Variants in TRMT11 observed in about 807,000 individuals in gnomAD.
TRMT11 encodes tRNA (guanine(10)-N(2))-methyltransferase TRMT11.
A neutral mutation model predicts 62.8 loss-of-function variants in TRMT11; 53 were observed. That is an observed-to-expected ratio of 0.84 (90% confidence interval 0.68 to 1.06). The LOEUF is 1.06. Ranked by LOEUF, TRMT11 falls within the 50% of genes least tolerant of loss-of-function variation. The probability of loss-of-function intolerance (pLI) is 0.00; values close to 1 mark genes in which losing one functional copy is unlikely to be tolerated. For synonymous variants in TRMT11, 188 were observed against 190.3 expected, an observed-to-expected ratio of 0.99 and a Z score of 0.10; for missense variants, 556 against 553.4, an observed-to-expected ratio of 1.00 and a Z score of -0.05.
downstream of TRMT11, among the ~76,000 whole-genome samples, chr6:126,204,011 A>G (rs549786848): frequency 8.5e-4 from 130 of 152,104 alleles, no homozygotes; most frequent in African/African-American, 3.0e-3. Context: ...ACCAGTTAAG[A>G]ACAACCAACT....
rs546041685 is a variant in TRMT11 at position 126,126,699 on chromosome 6, CT to C, written c.*1823+10845del. 1.7e-3 allele frequency among the ~76,000 whole-genome samples: 255 copies of C among 152,260 alleles called. 1 individual carries two copies. Among genetic ancestry groups the C allele is most frequent in the African/African-American group, 5.9e-3 (244 of 41,576 alleles). On this transcript the variant is annotated intron_variant and NMD_transcript_variant, in intron 21 of 22. Coordinates refer to the TRMT11 transcript ENST00000648977. ...TTCATTCTTCTAGTCCCATAAGCCT[CT>C]GATTAACTTTAGTGGTTCAACAGAA...
At chr6:126,228,316 T>C in the TRMT11 span, among the ~76,000 whole-genome samples, 1 of 152,194 alleles carries the variant, frequency 6.6e-6, no homozygotes, top group Non-Finnish European at 1.5e-5. Context: ...AGGGACAGAT[T>C]GAAGCAAGTC....
intron 12 of TRMT11, among the ~76,000 whole-genome samples, chr6:126,029,957 T>G (rs1053614635): frequency 3.9e-5 from 6 of 152,206 alleles, no homozygotes; most frequent in African/African-American, 1.2e-4. Flanking sequence ...TCACTCATTT[T>G]GAGCACTCTA....
chr6:126,095,246 A>G (rs1777327709), intron 17 of TRMT11, among the ~76,000 whole-genome samples: 1 of 152,220 alleles, frequency 6.6e-6, no homozygotes, highest in South Asian at 2.1e-4. Flanking sequence ...TTAAGCAACC[A>G]ATCTTCCCCA....
At chr6:126,142,509 A>G (rs1777927794) in intron 21 of TRMT11, among the ~76,000 whole-genome samples, 1 of 152,116 alleles carries the variant, frequency 6.6e-6, no homozygotes, top group African/African-American at 2.4e-5. Flanking sequence ...TTAAGAAATA[A>G]CAGAAAGAAC....
chr6:126,070,899 C>A (rs991985194), intron 17 of TRMT11, among the ~76,000 whole-genome samples: 6 of 152,142 alleles, frequency 3.9e-5, no homozygotes, highest in Non-Finnish European at 8.8e-5. Flanking sequence ...AGTGAAGAGT[C>A]AGACTGGTCT....
Position 126,082,112 on chromosome 6 carries a change from A to G in TRMT11, c.*1437+28922A>G, listed in dbSNP as rs542607313. 3.9e-5 allele frequency among the ~76,000 whole-genome samples: 6 copies of G among 152,222 alleles called. No individual in the cohort carries two copies. In the South Asian group the frequency reaches 1.2e-3, roughly 32 times the overall value. On this transcript the variant is annotated intron_variant and NMD_transcript_variant, in intron 17 of 22. Transcript: ENST00000648977. Reference sequence around the variant, plus strand: ...AGGTTGAGTGTGGACAGTGCAATCTATCTTCAAGTGGCATTCTTTACAATC... The same window carrying G: ...AGGTTGAGTGTGGACAGTGCAATCTGTCTTCAAGTGGCATTCTTTACAATC...
At chr6:126,062,358 T>TTA (rs1776560113) in intron 17 of TRMT11, among the ~76,000 whole-genome samples, 1 of 152,250 alleles carries the variant, frequency 6.6e-6, no homozygotes, top group South Asian at 2.1e-4. Flanking sequence ...AACTTTACAC[T>TTA]TTGTTATTGT....
intron 21 of TRMT11, among the ~76,000 whole-genome samples, chr6:126,128,776 C>T (rs985380199): frequency 1.3e-5 from 2 of 152,052 alleles, no homozygotes; most frequent in South Asian, 2.1e-4. Context: ...CATTAAATAT[C>T]CCATGTGATA....
In TRMT11 at chr6:126,054,670, C is replaced by T. The variant is rs80245282; in HGVS notation, c.*1437+1480C>T. On this transcript the variant is annotated intron_variant and NMD_transcript_variant, in intron 17 of 22. Transcript: ENST00000648977. ...ACACTGTTTCAGGGAGCTGCTTCTC[C>T]GCTCCAAGACAAATGAGCTGTTGAA... is the stretch of plus-strand genomic sequence containing the variant. Among the ~76,000 whole-genome samples, 243 of 152,310 alleles carry T rather than the reference C, an allele frequency of 1.6e-3. 1 individual carries two copies. In the East Asian group the frequency reaches 0.02, roughly 13 times the overall value.
At chr6:126,201,063 C>T (rs747840139) in intron 3 of TRMT11, among the ~76,000 whole-genome samples, 4 of 152,156 alleles carry the variant, frequency 2.6e-5, no homozygotes, top group African/African-American at 7.2e-5. Context: ...CAATCCAAAG[C>T]GTACTCCCTG....
At chr6:126,093,893 C>T (rs1777311131) in intron 17 of TRMT11, among the ~76,000 whole-genome samples, 1 of 151,718 alleles carries the variant, frequency 6.6e-6, no homozygotes. Context: ...TGAATAATTG[C>T]AAATTTCCTG....
intron 21 of TRMT11, among the ~76,000 whole-genome samples, chr6:126,161,522 A>T (rs1007889358): frequency 6.6e-6 from 1 of 152,198 alleles, no homozygotes; most frequent in African/African-American, 2.4e-5. Flanking sequence ...TGCTATTGTG[A>T]ATAGTGCTGC....
Position 126,128,888 on chromosome 6 carries a change from T to C in TRMT11, c.*1823+13033T>C, listed in dbSNP as rs149004491. ...CGTAGGAGCACAGCAGAAAAGAAAATGCACCTAAAAGGATTTTTGTTTTCT... is the reference window on the plus strand; with the variant it reads ...CGTAGGAGCACAGCAGAAAAGAAAACGCACCTAAAAGGATTTTTGTTTTCT... On this transcript the variant is annotated intron_variant and NMD_transcript_variant, in intron 21 of 22. Coordinates refer to the TRMT11 transcript ENST00000648977. Among the ~76,000 whole-genome samples the C allele has an allele frequency of 9.8e-3, 1,477 of 150,774 alleles. 15 individuals are homozygous for C. The highest frequency in any genetic ancestry group is 0.034 in the African/African-American group (1,413 of 41,032).
At chr6:126,254,832 T>C in the TRMT11 span, among the ~76,000 whole-genome samples, 1 of 152,122 alleles carries the variant, frequency 6.6e-6, no homozygotes, top group Non-Finnish European at 1.5e-5. Flanking sequence ...TCTAGGAACT[T>C]GTAAAATCTC....
chr6:126,081,817 C>T (rs1485783991), intron 17 of TRMT11, among the ~76,000 whole-genome samples: 3 of 152,108 alleles, frequency 2.0e-5, no homozygotes, highest in Non-Finnish European at 4.4e-5. Flanking sequence ...CCTTATGTTC[C>T]AGCAGATCCA....
intron 12 of TRMT11, among the ~76,000 whole-genome samples, chr6:126,025,432 T>TAA (rs1202969655): frequency 2.0e-5 from 3 of 152,138 alleles, no homozygotes; most frequent in African/African-American, 7.2e-5. Flanking sequence ...CCAATTGATT[T>TAA]AAAAAAACAA....
chr6:126,216,262 A>C, the TRMT11 span, among the ~76,000 whole-genome samples: 1 of 151,974 alleles, frequency 6.6e-6, no homozygotes, highest in African/African-American at 2.4e-5. Flanking sequence ...TGGGCATATT[A>C]CTCTAGGACA....
At chr6:126,069,432 C>T (rs961628399) in intron 17 of TRMT11, among the ~76,000 whole-genome samples, 2 of 152,172 alleles carry the variant, frequency 1.3e-5, no homozygotes, top group Admixed American at 1.3e-4. Flanking sequence ...TTTGGTGTCT[C>T]TGGTTTCTAT....
Sources: allele counts gnomAD v4.1 joint callset (sites outside exome capture counted in the v4.1 genomes callset), GRCh38; gene constraint gnomAD v4.1.1; transcripts MANE v1.5; gene names NCBI Gene and HGNC (gene_info 2026-07-23, HGNC 2026-07-21).